LMBR1: variants seen among roughly 807,000 people sequenced by gnomAD.
LMBR1 encodes the protein limb development membrane protein 1, also known as limb region 1 protein homolog.
A neutral mutation model predicts 73.9 loss-of-function variants in LMBR1; 52 were observed. The observed-to-expected ratio is 0.70, with a 90% CI of 0.56 to 0.89. The LOEUF (loss-of-function observed/expected upper bound fraction) is 0.89, where lower values mean the gene tolerates loss of function less well. Among genes scored for constraint, LMBR1 ranks in the 40% least tolerant of loss-of-function variants. The pLI, the probability that LMBR1 is intolerant of heterozygous loss-of-function variation, is 0.00. For missense variants in LMBR1, 539 were observed against 579.8 expected (o/e 0.93, Z 0.72); for synonymous variants, 215 against 209.4 (o/e 1.03, Z -0.23).
chr7:156,779,480 A>T (rs1029709546), intron 5 of LMBR1, among the ~76,000 whole-genome samples: 2 of 152,238 alleles, frequency 1.3e-5, no homozygotes, highest in Non-Finnish European at 2.9e-5. Flanking sequence ...GATGAAATAG[A>T]TTAGTAAAGA....
In LMBR1 at chr7:156,742,942, A is replaced by G. The variant is rs1819177010; in HGVS notation, c.758-8685T>C. Among the ~76,000 whole-genome samples the G allele has an allele frequency of 3.3e-5, 5 of 152,354 alleles. No individual in the cohort carries two copies. The South Asian group carries it at 1.0e-3, about 32-fold the overall frequency. On this transcript the variant is annotated intron_variant, in intron 9 of 16. Transcript: ENST00000353442. ...ATCCGAGATGCAAGGGTGGTTCAAC[A>G]TATTCAAATCAACCAATGTGATACA... is the stretch of plus-strand genomic sequence containing the variant.
chr7:156,859,325 T>C (rs1413719334), intron 1 of LMBR1, among the ~76,000 whole-genome samples: 2 of 151,650 alleles, frequency 1.3e-5, no homozygotes, highest in Non-Finnish European at 2.9e-5. Context: ...AACACTCCTA[T>C]TCCGTATCAT....
At chr7:156,711,290 GAC>G (rs982128539) in intron 15 of LMBR1, among the ~76,000 whole-genome samples, 22 of 152,144 alleles carry the variant, frequency 1.4e-4, no homozygotes, top group African/African-American at 4.6e-4. Flanking sequence ...CAGCCTGGGC[GAC>G]AGAGCGAGAC....
intron 5 of LMBR1, among the ~76,000 whole-genome samples, chr7:156,771,984 C>A (rs969885854): frequency 6.6e-6 from 1 of 152,114 alleles, no homozygotes; most frequent in Admixed American, 6.6e-5. Context: ...AAAACAAAAA[C>A]CACATGATCA....
chr7:156,725,262 G>C (rs1283095504), intron 14 of LMBR1, among the ~76,000 whole-genome samples, 173 bp downstream of exon 14: 1 of 152,018 alleles, frequency 6.6e-6, no homozygotes, highest in Non-Finnish European at 1.5e-5. Flanking sequence ...AATTAAACAG[G>C]GTACATCCCT....
intron 1 of LMBR1, among the ~76,000 whole-genome samples, chr7:156,887,156 T>C (rs929261390): frequency 6.6e-6 from 1 of 152,160 alleles, no homozygotes; most frequent in African/African-American, 2.4e-5. Context: ...ACAAAATTAT[T>C]ACATGAGTAT....
chr7:156,686,670 T>C (rs1247353795), intron 16 of LMBR1, among the ~76,000 whole-genome samples: 1 of 152,214 alleles, frequency 6.6e-6, no homozygotes, highest in Non-Finnish European at 1.5e-5. Context: ...TATGTTTTAT[T>C]ACTTTAATAA....
intron 4 of LMBR1, among the ~76,000 whole-genome samples, chr7:156,802,882 C>T (rs990164820): frequency 6.6e-6 from 1 of 151,966 alleles, no homozygotes; most frequent in East Asian, 1.9e-4. Context: ...ACAAACCTGA[C>T]AAAAACAAGA....
intron 1 of LMBR1, among the ~76,000 whole-genome samples, chr7:156,866,161 A>C (rs1586327478): frequency 6.6e-6 from 1 of 152,284 alleles, no homozygotes; most frequent in East Asian, 1.9e-4. Context: ...AATAGAAAAT[A>C]CTTGGAAGTC....
intron 2 of LMBR1, among the ~76,000 whole-genome samples, chr7:156,835,638 T>G (rs1837485782): frequency 7.1e-6 from 1 of 141,368 alleles, no homozygotes; most frequent in Admixed American, 7.7e-5. Flanking sequence ...GAGGCTGCAG[T>G]AAGCCGAGAT....
At chr7:156,841,999 T>C (rs190995571) in intron 1 of LMBR1, among the ~76,000 whole-genome samples, 1 of 140,866 alleles carries the variant, frequency 7.1e-6, no homozygotes, top group East Asian at 2.1e-4. Context: ...ATATAAAATG[T>C]ATCCATAAAT....
rs778311463 is a variant in LMBR1 at position 156,728,627 on chromosome 7, G to A, written c.915+17C>T. 3.9e-6 allele frequency: 6 copies of A among 1,558,428 alleles called. No homozygotes were observed. The highest frequency in any genetic ancestry group is 5.2e-6 in the Non-Finnish European group (6 of 1,152,060). ...AATATAATTTGCTTTTATTTAACTA[G>A]GCAAATAAATTCTTACTGTCTCAAT... On this transcript the variant is annotated intron_variant, in intron 11 of 16. Transcript: ENST00000353442.
chr7:156,789,324 G>A (rs1400182650), intron 5 of LMBR1, among the ~76,000 whole-genome samples: 5 of 152,022 alleles, frequency 3.3e-5, no homozygotes, highest in African/African-American at 9.7e-5. Flanking sequence ...TGTCTTTCTC[G>A]ATGAGAATTT....
At chr7:156,762,097 A>T (rs1341137705) in intron 8 of LMBR1, 37 bp downstream of exon 8, 8 of 1,201,736 alleles carry the variant, frequency 6.7e-6, no homozygotes, top group Non-Finnish European at 9.8e-6. Flanking sequence ...AAACACATTT[A>T]TTTAATAAAC....
At chr7:156,858,802 T>C (rs1181944216) in intron 1 of LMBR1, among the ~76,000 whole-genome samples, 1 of 151,684 alleles carries the variant, frequency 6.6e-6, no homozygotes, top group African/African-American at 2.4e-5. Flanking sequence ...AGGCTAAAGA[T>C]GAAACATAAC....
Position 156,852,242 on chromosome 7 carries a change from A to T in LMBR1, c.67-15357T>A, listed in dbSNP as rs557362110. Among the ~76,000 whole-genome samples the T allele has an allele frequency of 4.1e-3, 622 of 152,324 alleles. 2 individuals are homozygous for T. Among genetic ancestry groups the T allele is most frequent in the Non-Finnish European group, 5.6e-3 (378 of 68,028 alleles). On this transcript the variant is annotated intron_variant, in intron 1 of 16. Coordinates refer to ENST00000353442, the MANE Select transcript of LMBR1 (RefSeq NM_022458.4). ...GTGAATACTCACTACTGTAGTGTAA[A>T]TCCTATCAGAAAGCTAGTAGTTAAA...
intron 4 of LMBR1, among the ~76,000 whole-genome samples, chr7:156,811,828 C>G (rs77125513): frequency 0.018 from 2,753 of 152,228 alleles, 88 homozygotes; most frequent in African/African-American, 0.062. Flanking sequence ...GTTCCAGGGA[C>G]TAGAAGTCTG....
rs577514300 is a variant in LMBR1 at position 156,795,112 on chromosome 7, C to T, written c.423+1277G>A. 3.3e-5 allele frequency among the ~76,000 whole-genome samples: 5 copies of T among 152,250 alleles called. No homozygotes were observed. The East Asian group carries it at 7.7e-4, about 24-fold the overall frequency. On this transcript the variant is annotated intron_variant, in intron 5 of 16. Transcript: ENST00000353442. ...CTAAGTACCGGCCATTCCCTCAATA[C>T]TGTCAGAGCTCTAGGCCTTTGCTCA...
intron 1 of LMBR1, among the ~76,000 whole-genome samples, chr7:156,864,136 A>G (rs992478127): frequency 1.3e-5 from 2 of 152,162 alleles, no homozygotes; most frequent in African/African-American, 4.8e-5. Context: ...CCTGGGTGAA[A>G]GCAAGACTCT....
Sources: gnomAD v4.1 joint callset for allele counts (sites outside exome capture counted in the v4.1 genomes callset) on GRCh38, gnomAD v4.1.1 for gene constraint, MANE v1.5 for transcripts, NCBI Gene and HGNC (gene_info 2026-07-23, HGNC 2026-07-21) for gene names.